The following SEMA3E variants were observed in gnomAD, a reference collection of about 807,000 sequenced individuals.
The protein encoded by SEMA3E is semaphorin 3E.
SEMA3E carries 49 observed loss-of-function variants against 93.6 expected under a neutral mutation model. The ratio of observed to expected loss-of-function variants is 0.52; its 90% CI spans 0.42 to 0.66. SEMA3E has a LOEUF of 0.66. SEMA3E is among the 30% of genes least tolerant of loss of function. The probability of loss-of-function intolerance (pLI) is 0.00; values close to 1 mark genes in which losing one functional copy is unlikely to be tolerated. For synonymous variants in SEMA3E, 363 were observed against 330.7 expected, an observed-to-expected ratio of 1.10 and a Z score of -1.06; for missense variants, 906 against 964.8, an observed-to-expected ratio of 0.94 and a Z score of 0.81.
At chr7:83,582,715 TCTCTCC>T (rs1792538955) in intron 1 of SEMA3E, among the ~76,000 whole-genome samples, 1 of 152,090 alleles carries the variant, frequency 6.6e-6, no homozygotes, top group Non-Finnish European at 1.5e-5. Context: ...TTATGGCTAA[TCTCTCC>T]TTTGAATTTT....
intron 1 of SEMA3E, among the ~76,000 whole-genome samples, chr7:83,494,125 T>C (rs1790441242): frequency 6.6e-6 from 1 of 151,844 alleles, no homozygotes; most frequent in African/African-American, 2.4e-5. Flanking sequence ...TAAACAAATA[T>C]ATTTCTAGGG....
chr7:83,552,164 G>A (rs559567840), intron 1 of SEMA3E, among the ~76,000 whole-genome samples: 278 of 152,176 alleles, frequency 1.8e-3, no homozygotes, highest in African/African-American at 6.1e-3. Flanking sequence ...GGTTACTGCC[G>A]TCCTACATTG....
intron 1 of SEMA3E, among the ~76,000 whole-genome samples, chr7:83,541,977 C>T (rs139316262): frequency 6.4e-4 from 97 of 152,038 alleles, no homozygotes; most frequent in African/African-American, 2.2e-3. Context: ...CATAATGTTG[C>T]TTGGTGCTAC....
At chr7:83,506,945 CTG>C (rs1382175852) in intron 1 of SEMA3E, among the ~76,000 whole-genome samples, 1 of 152,174 alleles carries the variant, frequency 6.6e-6, no homozygotes, top group Non-Finnish European at 1.5e-5. Flanking sequence ...AAGAATGAAA[CTG>C]AAGTTGTGTC....
At chr7:83,525,784 G>GTTTTTTTTTTTTTTTTTTGT (rs35792837) in intron 1 of SEMA3E, among the ~76,000 whole-genome samples, 2 of 128,560 alleles carry the variant, frequency 1.6e-5, no homozygotes, top group Non-Finnish European at 3.3e-5. Flanking sequence ...GTTTGTTTGG[G>GTTTTTTTTTTTTTTTTTTGT]TTTTTTTTTT....
intron 1 of SEMA3E, among the ~76,000 whole-genome samples, chr7:83,590,321 T>C (rs1792731961): frequency 6.6e-6 from 1 of 152,118 alleles, no homozygotes; most frequent in African/African-American, 2.4e-5. Context: ...TTACAACATT[T>C]AATGTAGGTT....
intron 1 of SEMA3E, among the ~76,000 whole-genome samples, chr7:83,502,397 C>A (rs1790612748): frequency 6.6e-6 from 1 of 152,090 alleles, no homozygotes; most frequent in African/African-American, 2.4e-5. Flanking sequence ...CTCTTGGTTG[C>A]CTACCTCAGC....
rs1337647185 is a variant in SEMA3E, at chr7:83,490,212, T to C, written c.178A>G (p.Thr60Ala). The change falls in exon 2 of 17, where the codon ACA (threonine) becomes GCA (alanine). Residue 60 changes from threonine to alanine, a missense_variant. Coordinates refer to ENST00000643230, the MANE Select transcript of SEMA3E (RefSeq NM_012431.3). ...HSPFGFLDLH[T>A]MLLDEYQERL... The stretch of plus-strand genomic sequence containing the variant: ...TCTTGATATTCATCCAGCAGCATTG[T>C]ATGGAGATCAAGAAATCCAAAAGGG... 1.2e-6 allele frequency: 2 copies of C among 1,613,030 alleles called. No individual in the cohort carries two copies. The highest frequency in any genetic ancestry group is 8.5e-7 in the Non-Finnish European group (1 of 1,179,400).
intron 4 of SEMA3E, among the ~76,000 whole-genome samples, chr7:83,433,543 AAATTAAT>A (rs1484726439): frequency 1.3e-5 from 2 of 150,154 alleles, no homozygotes; most frequent in African/African-American, 4.8e-5. Context: ...AGCATCTTTT[AAATTAAT>A]AATTGGAGAA....
At chr7:83,372,430 A>G (rs559162532) in intron 16 of SEMA3E, 84 of 394,938 alleles carry the variant, frequency 2.1e-4, no homozygotes, top group Non-Finnish European at 3.2e-4. Flanking sequence ...GCAGTTTATG[A>G]AAGTGATTTA....
chr7:83,436,729 CATT>C (rs1427307180), intron 4 of SEMA3E, among the ~76,000 whole-genome samples: 3 of 152,008 alleles, frequency 2.0e-5, no homozygotes, highest in Non-Finnish European at 4.4e-5. Context: ...TTTTACTCAG[CATT>C]ATTTTCTTTT....
intron 2 of SEMA3E, among the ~76,000 whole-genome samples, chr7:83,475,780 T>C (rs1789997091): frequency 6.6e-6 from 1 of 152,186 alleles, no homozygotes; most frequent in Non-Finnish European, 1.5e-5. Context: ...ACAGTTTTTG[T>C]CACAAAGATA....
At chr7:83,538,639 A>C (rs1436656548) in intron 1 of SEMA3E, among the ~76,000 whole-genome samples, 1 of 152,214 alleles carries the variant, frequency 6.6e-6, no homozygotes, top group Non-Finnish European at 1.5e-5. Flanking sequence ...AAAATGTATC[A>C]ATAATTTTGA....
intron 1 of SEMA3E, among the ~76,000 whole-genome samples, chr7:83,594,836 C>T (rs1411127914): frequency 6.6e-6 from 1 of 151,496 alleles, no homozygotes; most frequent in Non-Finnish European, 1.5e-5. Context: ...GAAACCAAGA[C>T]TAAAATAAAT....
At chr7:83,551,732 T>C (rs1791768579) in intron 1 of SEMA3E, among the ~76,000 whole-genome samples, 1 of 152,170 alleles carries the variant, frequency 6.6e-6, no homozygotes. Flanking sequence ...ATAATAATCT[T>C]GGAGCAGACT....
At chr7:83,586,827 G>C (rs1015368344) in intron 1 of SEMA3E, among the ~76,000 whole-genome samples, 2 of 151,974 alleles carry the variant, frequency 1.3e-5, no homozygotes, top group African/African-American at 4.8e-5. Flanking sequence ...CAGACTCCAG[G>C]TTTCCTTGAA....
At chr7:83,449,518 A>G (rs2115813824) in intron 4 of SEMA3E, among the ~76,000 whole-genome samples, 3 of 152,190 alleles carry the variant, frequency 2.0e-5, no homozygotes, top group Middle Eastern at 6.8e-3. Context: ...TATGAAGACA[A>G]TATTATTAAA....
At chr7:83,412,623 A>G (rs1454680445) in intron 5 of SEMA3E, among the ~76,000 whole-genome samples, 1 of 151,160 alleles carries the variant, frequency 6.6e-6, no homozygotes, top group Non-Finnish European at 1.5e-5. Context: ...GTAGCTGGGC[A>G]TGGGGGCCTA....
rs1217573909 is a variant in SEMA3E, at chr7:83,363,814, C to A, written c.*3772G>T. ...CCAAATATCTATACAATACTAAGTA[C>A]TTTTCTTAATATGTTTATTAGGCTA... On this transcript the variant is annotated 3_prime_UTR_variant, in exon 17 of 17. Coordinates refer to ENST00000643230, the MANE Select transcript of SEMA3E (RefSeq NM_012431.3). The A allele has an allele frequency of 3.5e-5, 5 of 142,222 alleles. No individual in the cohort carries two copies. Among genetic ancestry groups the A allele is most frequent in the Non-Finnish European group, 6.0e-5 (4 of 66,266 alleles). The allele number at this position is 142,222 out of a possible 1,614,324, so 8.8% of individuals were successfully genotyped here.
Sources: gnomAD v4.1 joint callset for allele counts (sites outside exome capture counted in the v4.1 genomes callset) on GRCh38, gnomAD v4.1.1 for gene constraint, MANE v1.5 for transcripts, NCBI Gene and HGNC (gene_info 2026-07-23, HGNC 2026-07-21) for gene names.